Variants in TENM4 observed in about 807,000 individuals in gnomAD.
TENM4 encodes teneurin transmembrane protein 4, also known as teneurin-4.
Under a neutral mutation model 243.3 loss-of-function variants are expected in TENM4, and 82 were observed. That is an observed-to-expected ratio of 0.34 (90% confidence interval 0.28 to 0.40). The LOEUF is 0.40. Among genes scored for constraint, TENM4 ranks in the 10% least tolerant of loss-of-function variants. The pLI is 1.00. For synonymous variants in TENM4, 1,412 were observed against 1,456.3 expected (o/e 0.97, Z 0.69); for missense variants, 3,138 against 3,673.3 (o/e 0.85, Z 3.77).
At chr11:79,237,695 A>G (rs2135274296) in intron 2 of TENM4, among the ~76,000 whole-genome samples, 1 of 152,352 alleles carries the variant, frequency 6.6e-6, no homozygotes, top group Admixed American at 6.5e-5. Context: ...AAAAAAATAA[A>G]GTAAGCACAA....
intron 5 of TENM4, chr11:79,068,269 A>G (rs1014770458): frequency 6.6e-6 from 1 of 152,192 alleles, no homozygotes; most frequent in Non-Finnish European, 1.5e-5. Context: ...AATCCTCACC[A>G]CCTATTAGGT....
chr11:79,042,262 C>T (rs1051200071), intron 6 of TENM4, among the ~76,000 whole-genome samples: 3 of 152,210 alleles, frequency 2.0e-5, no homozygotes, highest in Admixed American at 2.0e-4. Context: ...CAGCTTATTA[C>T]TTCTCTCTAC....
chr11:79,241,500 T>C (rs1369732138), intron 2 of TENM4, among the ~76,000 whole-genome samples: 2 of 152,132 alleles, frequency 1.3e-5, no homozygotes, highest in Non-Finnish European at 1.5e-5. Context: ...CCCAAAATCA[T>C]AGGAGCTGCA....
chr11:79,192,170 C>T (rs1863523182), intron 3 of TENM4, among the ~76,000 whole-genome samples: 1 of 151,584 alleles, frequency 6.6e-6, no homozygotes, highest in Non-Finnish European at 1.5e-5. Context: ...GCCCGGCCAG[C>T]TGCCCGGTCT....
intron 1 of TENM4, among the ~76,000 whole-genome samples, chr11:79,386,976 C>A (rs1306168446): frequency 2.0e-5 from 3 of 152,120 alleles, no homozygotes; most frequent in Non-Finnish European, 4.4e-5. Context: ...CCATTTGTAA[C>A]AGCCCCAAAC....
rs1048582953 is a variant in TENM4, at chr11:79,140,402, G to T, written c.-66+8308C>A. On this transcript the variant is annotated intron_variant, in intron 4 of 33. Transcript: ENST00000278550. ...TAAGCCTCACCTATTTACCTGAGTGGGTGGGGATGTGTCCTAAGTAGATAT... is the reference window on the plus strand; with the variant it reads ...TAAGCCTCACCTATTTACCTGAGTGTGTGGGGATGTGTCCTAAGTAGATAT... Among the ~76,000 whole-genome samples the T allele has an allele frequency of 2.0e-5, 3 of 152,062 alleles. No individual in the cohort carries two copies. The East Asian group carries it at 5.8e-4, about 29-fold the overall frequency.
At chr11:78,705,763 A>T (rs186666821) in intron 27 of TENM4, among the ~76,000 whole-genome samples, 30 of 152,324 alleles carry the variant, frequency 2.0e-4, no homozygotes, top group African/African-American at 6.7e-4. Context: ...TGGGGTCAGG[A>T]CACCTCACTT....
chr11:78,723,251 C>G (rs910439417), intron 23 of TENM4, among the ~76,000 whole-genome samples: 1 of 152,272 alleles, frequency 6.6e-6, no homozygotes, highest in African/African-American at 2.4e-5. Flanking sequence ...TAGCCATTCA[C>G]CTACACTGCC....
At chr11:78,794,506 T>C (rs899071924) in intron 15 of TENM4, among the ~76,000 whole-genome samples, 1 of 152,160 alleles carries the variant, frequency 6.6e-6, no homozygotes, top group East Asian at 1.9e-4. Context: ...GAGCGAGAAC[T>C]CACAAAGTAC....
At chr11:79,063,734 G>C (rs1056759841) in intron 6 of TENM4, among the ~76,000 whole-genome samples, 2 of 152,218 alleles carry the variant, frequency 1.3e-5, no homozygotes, top group Non-Finnish European at 2.9e-5. Flanking sequence ...GGGAGAAAGA[G>C]GAAGACGCTG....
intron 1 of TENM4, among the ~76,000 whole-genome samples, chr11:79,436,361 C>A (rs1859271038): frequency 6.6e-6 from 1 of 151,888 alleles, no homozygotes; most frequent in African/African-American, 2.4e-5. Context: ...AAAAAAAAAC[C>A]CTGACAGTGT....
In TENM4 at chr11:79,256,798, A is replaced by T. The variant is rs146291966; in HGVS notation, c.-265+40690T>A. Among the ~76,000 whole-genome samples, 696 of 152,258 alleles carry T rather than the reference A, an allele frequency of 4.6e-3. 7 individuals carry two copies. Among genetic ancestry groups the T allele is most frequent in the African/African-American group, 0.016 (670 of 41,556 alleles). On this transcript the variant is annotated intron_variant, in intron 2 of 33. Transcript: ENST00000278550. ...AGATTTCAGGCTTTCATTGGGTGAT[A>T]GGGCTTTCTGGGAATAGGGCTTGAG...
At chr11:79,309,553 C>T (rs917883769) in intron 1 of TENM4, among the ~76,000 whole-genome samples, 20 of 152,196 alleles carry the variant, frequency 1.3e-4, no homozygotes, top group Non-Finnish European at 8.8e-5. Flanking sequence ...CAGAGACATT[C>T]CCAGGGTGTG....
chr11:79,341,094 T>C (rs374138975), intron 1 of TENM4, among the ~76,000 whole-genome samples: 1 of 152,160 alleles, frequency 6.6e-6, no homozygotes, highest in African/African-American at 2.4e-5. Flanking sequence ...CCTCTAGAAG[T>C]TGACAGAAGT....
At chr11:79,076,762 AAAAG>A (rs1860545352) in intron 4 of TENM4, among the ~76,000 whole-genome samples, 1 of 152,202 alleles carries the variant, frequency 6.6e-6, no homozygotes, top group South Asian at 2.1e-4. Context: ...TGAAGACAGG[AAAAG>A]AAAGGGCTAG....
chr11:79,212,991 C>T (rs1055752537), intron 3 of TENM4, among the ~76,000 whole-genome samples: 4 of 152,158 alleles, frequency 2.6e-5, no homozygotes, highest in Admixed American at 1.3e-4. Context: ...TGGGTCCTAT[C>T]TGTGTGTCAG....
In TENM4 at chr11:78,805,489, T is replaced by C; in HGVS notation, c.1982A>G (p.Asp661Gly). Residue 661 changes from aspartate (D) to glycine (G), a missense_variant, in exon 15 of 34, where the codon GAC becomes GGC. By Grantham distance (94) the Asp-to-Gly change is moderately conservative. Transcript: ENST00000278550. Reference sequence around the variant, plus strand: ...GCCTGAACATGTGGGGTCCATGCAGTCCACTGTGAGATGGAGGAAGGAGAA... The same window carrying C: ...GCCTGAACATGTGGGGTCCATGCAGCCCACTGTGAGATGGAGGAAGGAGAA... ...GYKGESCEEV[D>G]CMDPTCSGRG... 6.3e-7 allele frequency: 1 copy of C among 1,575,200 alleles called. No individual in the cohort carries two copies.
intron 28 of TENM4, among the ~76,000 whole-genome samples, chr11:78,697,795 G>A (rs1254174527): frequency 2.6e-5 from 4 of 152,112 alleles, no homozygotes; most frequent in Admixed American, 2.6e-4. Context: ...GAAATTCAGG[G>A]AAGGGGGTTG....
chr11:79,049,641 C>T (rs957188952), intron 6 of TENM4, among the ~76,000 whole-genome samples: 2 of 152,192 alleles, frequency 1.3e-5, no homozygotes, highest in African/African-American at 4.8e-5. Context: ...GCTATCTGTG[C>T]CTAGATTGTA....
Sources: allele counts gnomAD v4.1 joint callset (sites outside exome capture counted in the v4.1 genomes callset), GRCh38; gene constraint gnomAD v4.1.1; transcripts MANE v1.5; gene names NCBI Gene and HGNC (gene_info 2026-07-23, HGNC 2026-07-21).